The following GAS2 variants were observed in gnomAD, a reference collection of about 807,000 sequenced individuals.
The protein encoded by GAS2 is growth arrest-specific protein 2.
Under a neutral mutation model 37.5 loss-of-function variants are expected in GAS2, and 20 were observed. The ratio of observed to expected loss-of-function variants is 0.53; its 90% CI spans 0.37 to 0.77. The LOEUF is 0.77. Ranked by LOEUF, GAS2 falls within the 30% of genes least tolerant of loss-of-function variation. The pLI, the probability that GAS2 is intolerant of heterozygous loss-of-function variation, is 0.00. For synonymous variants in GAS2, 144 were observed against 132.2 expected (o/e 1.09, Z -0.61); for missense variants, 336 against 373.4 (o/e 0.90, Z 0.82).
chr11:22,739,623 G>T (rs1461202505), intron 5 of GAS2, among the ~76,000 whole-genome samples: 1 of 148,376 alleles, frequency 6.7e-6, no homozygotes, highest in Non-Finnish European at 1.5e-5. Flanking sequence ...AAATACAAGG[G>T]GTAGGAAATC....
At chr11:22,658,569 T>C (rs1187372727) in intron 1 of GAS2, among the ~76,000 whole-genome samples, 3 of 152,184 alleles carry the variant, frequency 2.0e-5, no homozygotes, top group Non-Finnish European at 2.9e-5. Flanking sequence ...AAAAAAAATC[T>C]AGGGGGTTTC....
At chr11:22,730,943 T>C (rs971809612) in intron 4 of GAS2, among the ~76,000 whole-genome samples, 1 of 151,796 alleles carries the variant, frequency 6.6e-6, no homozygotes, top group Non-Finnish European at 1.5e-5. Flanking sequence ...TGATGTTGAG[T>C]GTTTTTATGG....
At chr11:22,780,486 C>A (rs2134484109) in intron 7 of GAS2, among the ~76,000 whole-genome samples, 2 of 150,310 alleles carry the variant, frequency 1.3e-5, no homozygotes, top group South Asian at 4.2e-4. Context: ...CAGAGCAGAA[C>A]CACCTTGGAC....
chr11:22,760,224 G>T (rs532875056), intron 7 of GAS2, among the ~76,000 whole-genome samples: 1 of 150,994 alleles, frequency 6.6e-6, no homozygotes, highest in Non-Finnish European at 1.5e-5. Flanking sequence ...CAGGTGATCC[G>T]CCTGCCTTGG....
At chr11:22,687,905 C>T (rs565758843) in intron 3 of GAS2, among the ~76,000 whole-genome samples, 24 of 152,166 alleles carry the variant, frequency 1.6e-4, no homozygotes, top group Non-Finnish European at 2.9e-4. Flanking sequence ...GGATGGAGAG[C>T]CGAATGCCTC....
chr11:22,796,646 A>C (rs1443866454), intron 7 of GAS2, among the ~76,000 whole-genome samples: 1 of 152,136 alleles, frequency 6.6e-6, no homozygotes, highest in African/African-American at 2.4e-5. Context: ...GCAAAGTAAT[A>C]GTTTTTCAGA....
At chr11:22,785,561 A>G (rs1201236189) in intron 7 of GAS2, among the ~76,000 whole-genome samples, 4 of 152,184 alleles carry the variant, frequency 2.6e-5, no homozygotes, top group Admixed American at 6.6e-5. Flanking sequence ...GAATCAGGAA[A>G]TGCCCTTGTC....
chr11:22,796,742 G>A (rs1408496273), intron 7 of GAS2, among the ~76,000 whole-genome samples: 1 of 152,048 alleles, frequency 6.6e-6, no homozygotes, highest in Non-Finnish European at 1.5e-5. Context: ...ATCATGGAGT[G>A]TTAAACTTTG....
At chr11:22,705,679 A>G (rs1241082686) in intron 3 of GAS2, among the ~76,000 whole-genome samples, 5 of 152,222 alleles carry the variant, frequency 3.3e-5, no homozygotes, top group African/African-American at 1.2e-4. Flanking sequence ...TATTCAACAC[A>G]TGTATACTGA....
At chr11:22,761,660 T>C (rs1461239260) in intron 7 of GAS2, among the ~76,000 whole-genome samples, 1 of 152,196 alleles carries the variant, frequency 6.6e-6, no homozygotes, top group Non-Finnish European at 1.5e-5. Flanking sequence ...TAATTGCTCT[T>C]ATTTACTGAT....
chr11:22,663,674 C>T (rs1848942055), upstream of GAS2, among the ~76,000 whole-genome samples: 1 of 151,842 alleles, frequency 6.6e-6, no homozygotes, highest in Non-Finnish European at 1.5e-5. Flanking sequence ...GAGAGTAAAC[C>T]TTGAACTTTA....
At chr11:22,751,574 A>G (rs1853730537) in intron 6 of GAS2, among the ~76,000 whole-genome samples, 1 of 151,984 alleles carries the variant, frequency 6.6e-6, no homozygotes, top group Non-Finnish European at 1.5e-5. Flanking sequence ...TATTCTGTTT[A>G]TCCATGTTGG....
chr11:22,632,671 C>T (rs1321050342), intron 1 of GAS2, among the ~76,000 whole-genome samples: 1 of 152,016 alleles, frequency 6.6e-6, no homozygotes, highest in Non-Finnish European at 1.5e-5. Flanking sequence ...GCTTTTTCTT[C>T]CCACTCAGGA....
At chr11:22,708,006 T>A (rs966196042) in intron 3 of GAS2, among the ~76,000 whole-genome samples, 2 of 152,034 alleles carry the variant, frequency 1.3e-5, no homozygotes, top group African/African-American at 4.8e-5. Context: ...GGGTCTGAGG[T>A]GAGTGTGTCA....
intron 3 of GAS2, among the ~76,000 whole-genome samples, chr11:22,693,306 T>C (rs1850343487): frequency 1.3e-5 from 2 of 152,220 alleles, no homozygotes; most frequent in Non-Finnish European, 2.9e-5. Context: ...AAGAGATGAA[T>C]GTTAAGTACC....
In GAS2 at chr11:22,789,435, T is replaced by A. The variant is rs28523962; in HGVS notation, c.724-22363T>A. On this transcript the variant is annotated intron_variant, in intron 7 of 7. Transcript: ENST00000454584. ...GTGTATCTCATATGAGATATATATA[T>A]ATATATATATATATATATATTCTTT... 2.5e-3 allele frequency among the ~76,000 whole-genome samples: 238 copies of A among 94,544 alleles called. 23 individuals are homozygous for A. Among genetic ancestry groups the A allele is most frequent in the South Asian group, 0.018 (51 of 2,862 alleles). The allele number at this position is 94,544 out of a possible 152,430, so 62.0% of individuals were successfully genotyped here. A position where few individuals can be genotyped will look rare whatever the true frequency, so the allele number is the denominator to read the frequency against.
At chr11:22,658,395 A>T (rs1786274786) in intron 1 of GAS2, among the ~76,000 whole-genome samples, 1 of 152,114 alleles carries the variant, frequency 6.6e-6, no homozygotes, top group African/African-American at 2.4e-5. Context: ...CACACAATAG[A>T]TCCCTCTAGA....
At chr11:22,648,724 T>G (rs1255091016) in intron 1 of GAS2, among the ~76,000 whole-genome samples, 2 of 152,226 alleles carry the variant, frequency 1.3e-5, no homozygotes, top group African/African-American at 4.8e-5. Context: ...GGCTCTCTGT[T>G]TGTCTGTTAT....
rs942614744 is a variant in GAS2 at position 22,694,617 on chromosome 11, C to T, written c.267+8828C>T. Among the ~76,000 whole-genome samples the T allele has an allele frequency of 4.6e-5, 7 of 152,120 alleles. No homozygotes were observed. In the East Asian group the frequency reaches 1.3e-3, roughly 29 times the overall value. ...TTCTAATTCCTTTATCTATATCATA[C>T]CAAGTGATTCCTGGCTTTTTGTGCC... On this transcript the variant is annotated intron_variant, in intron 3 of 7. Coordinates refer to ENST00000454584, the MANE Select transcript of GAS2 (RefSeq NM_001143830.3).
Sources: allele counts gnomAD v4.1 joint callset (sites outside exome capture counted in the v4.1 genomes callset), GRCh38; gene constraint gnomAD v4.1.1; transcripts MANE v1.5; gene names NCBI Gene and HGNC (gene_info 2026-07-23, HGNC 2026-07-21).